Variants in PARD3 observed in about 807,000 individuals in gnomAD.
PARD3 encodes par-3 family cell polarity regulator, also known as partitioning defective 3 homolog.
A neutral mutation model predicts 155.4 loss-of-function variants in PARD3; 75 were observed. That is an observed-to-expected ratio of 0.48 (90% CI 0.40 to 0.58). The LOEUF (loss-of-function observed/expected upper bound fraction) is 0.58, where lower values mean the gene tolerates loss of function less well. Ranked by LOEUF, PARD3 falls within the 20% of genes least tolerant of loss-of-function variation. The pLI, the probability that PARD3 is intolerant of heterozygous loss-of-function variation, is 0.00. For missense variants in PARD3, 1,642 were observed against 1,721.7 expected (o/e 0.95, Z 0.82); for synonymous variants, 576 against 610.5 (o/e 0.94, Z 0.83).
chr10:34,126,147 T>C (rs2132727661), intron 23 of PARD3, among the ~76,000 whole-genome samples: 1 of 152,308 alleles, frequency 6.6e-6, no homozygotes, highest in Middle Eastern at 3.4e-3. Context: ...CTTGCTCAAC[T>C]TGGGAGAGAA....
chr10:34,469,913 T>C (rs1211860551), intron 4 of PARD3, among the ~76,000 whole-genome samples, 172 bp downstream of exon 4: 1 of 152,154 alleles, frequency 6.6e-6, no homozygotes, highest in East Asian at 1.9e-4. Context: ...CCAAGTGTGA[T>C]ATAAAATAGG....
At chr10:34,758,606 G>GT (rs1837040782) in intron 1 of PARD3, among the ~76,000 whole-genome samples, 1 of 152,196 alleles carries the variant, frequency 6.6e-6, no homozygotes, top group Non-Finnish European at 1.5e-5. Context: ...TCATTTTCTA[G>GT]TTGGGGCACT....
chr10:34,753,405 C>T (rs1048563543), intron 1 of PARD3, among the ~76,000 whole-genome samples: 1 of 152,232 alleles, frequency 6.6e-6, no homozygotes, highest in African/African-American at 2.4e-5. Flanking sequence ...TTCGTCCTTA[C>T]TATCCTCCTA....
intron 3 of PARD3, among the ~76,000 whole-genome samples, chr10:34,472,598 T>C (rs1213661323): frequency 1.3e-5 from 2 of 152,174 alleles, no homozygotes; most frequent in Admixed American, 6.5e-5. Context: ...AGTTATTCAG[T>C]TGTTAGGTAC....
chr10:34,230,515 C>T lies in PARD3; in HGVS notation c.3419+39142G>A, dbSNP rs12246760. Among the ~76,000 whole-genome samples the T allele has an allele frequency of 7.1e-3, 1,088 of 152,260 alleles. 24 individuals are homozygous for T. Among genetic ancestry groups the T allele is most frequent in the African/African-American group, 0.024 (1,015 of 41,504 alleles). On this transcript the variant is annotated intron_variant, in intron 22 of 24. Transcript: ENST00000374788. ...AAAGTTTTCCATACCTAGCGACTCCCACTAGTCACCTGACTATAGGTCTGG... is the reference window on the plus strand; with the variant it reads ...AAAGTTTTCCATACCTAGCGACTCCTACTAGTCACCTGACTATAGGTCTGG...
chr10:34,535,446 C>T (rs1166443163), intron 2 of PARD3, among the ~76,000 whole-genome samples: 3 of 152,082 alleles, frequency 2.0e-5, no homozygotes, highest in African/African-American at 7.2e-5. Context: ...AGAACAGTAA[C>T]ACAAATTAAA....
intron 5 of PARD3, among the ~76,000 whole-genome samples, chr10:34,418,355 C>G (rs1845869875): frequency 6.6e-6 from 1 of 151,970 alleles, no homozygotes; most frequent in African/African-American, 2.4e-5. Context: ...TTATATTTTT[C>G]TAGAGATGGG....
intron 7 of PARD3, among the ~76,000 whole-genome samples, chr10:34,390,121 TATTAA>T (rs146485826): frequency 0.014 from 2,154 of 152,320 alleles, 45 homozygotes; most frequent in African/African-American, 0.05. Context: ...TTTCAAAAGT[TATTAA>T]ATTAAAATTG....
chr10:34,476,991 A>C (rs2078752172), intron 3 of PARD3, among the ~76,000 whole-genome samples: 1 of 152,284 alleles, frequency 6.6e-6, no homozygotes, highest in East Asian at 1.9e-4. Context: ...AAGGTTCCCC[A>C]CCTCTAACTG....
At chr10:34,266,428 G>A (rs920337719) in intron 22 of PARD3, among the ~76,000 whole-genome samples, 3 of 152,072 alleles carry the variant, frequency 2.0e-5, no homozygotes, top group Non-Finnish European at 4.4e-5. Flanking sequence ...TTTGTTTAAT[G>A]GACATCTTAT....
chr10:34,587,603 G>T (rs528903895), intron 2 of PARD3, among the ~76,000 whole-genome samples: 61 of 152,130 alleles, frequency 4.0e-4, no homozygotes, highest in African/African-American at 1.4e-3. Flanking sequence ...GCAAAAGAAG[G>T]GCAAGTTATA....
chr10:34,575,775 A>G (rs1394585977), intron 2 of PARD3, among the ~76,000 whole-genome samples: 1 of 152,270 alleles, frequency 6.6e-6, no homozygotes, highest in East Asian at 1.9e-4. Context: ...GGGTGCCTGT[A>G]ATCCCAGCTA....
chr10:34,485,163 C>T (rs1423343791), intron 3 of PARD3, among the ~76,000 whole-genome samples: 3 of 152,148 alleles, frequency 2.0e-5, no homozygotes, highest in African/African-American at 7.2e-5. Context: ...CATGGTGCAA[C>T]CCCATCTCTA....
chr10:34,557,422 A>G (rs1484046608), intron 2 of PARD3, among the ~76,000 whole-genome samples: 1 of 151,966 alleles, frequency 6.6e-6, no homozygotes, highest in Non-Finnish European at 1.5e-5. Flanking sequence ...GGATCGCTTG[A>G]GCCCAGCAGT....
intron 22 of PARD3, among the ~76,000 whole-genome samples, chr10:34,156,526 A>C: frequency 6.6e-6 from 1 of 152,234 alleles, no homozygotes; most frequent in East Asian, 1.9e-4. Context: ...AAGTTTTTTA[A>C]GTTGGAACAA....
At chr10:34,569,385 T>C (rs968390923) in intron 2 of PARD3, among the ~76,000 whole-genome samples, 2 of 152,170 alleles carry the variant, frequency 1.3e-5, no homozygotes, top group Non-Finnish European at 2.9e-5. Context: ...AAATTTGCAA[T>C]GCTTAAATAT....
chr10:34,345,661 G>A (rs2134348662), intron 15 of PARD3: 1 of 985,396 alleles, frequency 1.0e-6, no homozygotes, highest in Non-Finnish European at 1.2e-6. Flanking sequence ...TGGAATTCAT[G>A]ACTCAGAAAA....
At chr10:34,247,559 A>C (rs111984532) in intron 22 of PARD3, among the ~76,000 whole-genome samples, 1 of 152,274 alleles carries the variant, frequency 6.6e-6, no homozygotes, top group African/African-American at 2.4e-5. Flanking sequence ...GTGATGATAG[A>C]ATCAGAGGAA....
At chr10:34,401,646 T>G (rs1215486885) in intron 6 of PARD3, among the ~76,000 whole-genome samples, 180 bp downstream of exon 6, 1 of 152,226 alleles carries the variant, frequency 6.6e-6, no homozygotes, top group Non-Finnish European at 1.5e-5. Flanking sequence ...CATGCTATAC[T>G]GCTTACATTA....
Sources: gnomAD v4.1 joint callset for allele counts (sites outside exome capture counted in the v4.1 genomes callset) on GRCh38, gnomAD v4.1.1 for gene constraint, MANE v1.5 for transcripts, NCBI Gene and HGNC (gene_info 2026-07-23, HGNC 2026-07-21) for gene names.